The following KCNN2 variants were observed in gnomAD, a reference collection of about 807,000 sequenced individuals.
KCNN2 encodes the protein potassium calcium-activated channel subfamily N member 2.
In KCNN2, 24 loss-of-function variants were observed where a neutral mutation model predicts 55.5. The ratio of observed to expected loss-of-function variants is 0.43; its 90% CI spans 0.31 to 0.61. KCNN2 has a LOEUF of 0.61. KCNN2 is among the 20% of genes least tolerant of loss of function. The pLI is 0.08. For missense variants in KCNN2, 754 were observed against 853.6 expected (o/e 0.88, Z 1.45); for synonymous variants, 431 against 336.1 (o/e 1.28, Z -3.09).
At chr5:114,324,340 C>G (rs1172049824) in intron 2 of KCNN2, among the ~76,000 whole-genome samples, 1 of 152,116 alleles carries the variant, frequency 6.6e-6, no homozygotes, top group Admixed American at 6.5e-5. Context: ...TGGGGCTTAT[C>G]CTAAATTACA....
At chr5:114,218,669 G>A (rs1489252109) in intron 1 of KCNN2, among the ~76,000 whole-genome samples, 2 of 152,152 alleles carry the variant, frequency 1.3e-5, no homozygotes, top group Admixed American at 1.3e-4. Flanking sequence ...GTCATTATAC[G>A]TTTGTTCAAA....
intron 1 of KCNN2, among the ~76,000 whole-genome samples, chr5:114,196,051 T>G (rs1360865132): frequency 6.6e-6 from 1 of 152,040 alleles, no homozygotes; most frequent in Non-Finnish European, 1.5e-5. Context: ...AAAAGACTAT[T>G]CTTTCCCAAT....
At chr5:114,475,474 C>T (rs1025093285) in intron 5 of KCNN2, among the ~76,000 whole-genome samples, 3 of 152,102 alleles carry the variant, frequency 2.0e-5, no homozygotes, top group African/African-American at 7.2e-5. Context: ...TTAGAAAGGA[C>T]AGTCTCTCTT....
At chr5:114,310,540 G>C (rs1376206978) in intron 2 of KCNN2, among the ~76,000 whole-genome samples, 2 of 152,088 alleles carry the variant, frequency 1.3e-5, no homozygotes, top group Non-Finnish European at 1.5e-5. Flanking sequence ...ACAGTTCTGG[G>C]GGACTGTGCA....
intron 2 of KCNN2, among the ~76,000 whole-genome samples, chr5:114,248,206 G>A (rs1189606391): frequency 1.3e-5 from 2 of 152,258 alleles, no homozygotes; most frequent in East Asian, 3.9e-4. Context: ...AGGGGGTTAG[G>A]ATGATTCAAA....
chr5:114,384,600 G>A (rs771827825), intron 2 of KCNN2, among the ~76,000 whole-genome samples: 1 of 152,122 alleles, frequency 6.6e-6, no homozygotes, highest in Non-Finnish European at 1.5e-5. Context: ...ACAGATATTC[G>A]ACCAAATTAA....
chr5:114,341,568 A>T (rs1757015500), intron 2 of KCNN2, among the ~76,000 whole-genome samples: 1 of 152,178 alleles, frequency 6.6e-6, no homozygotes, highest in South Asian at 2.1e-4. Context: ...GTCTGCTATG[A>T]TTGAGAAAGA....
At chr5:114,208,753 T>G (rs980828205) in intron 1 of KCNN2, among the ~76,000 whole-genome samples, 1 of 152,198 alleles carries the variant, frequency 6.6e-6, no homozygotes, top group African/African-American at 2.4e-5. Context: ...CTTAATACGC[T>G]GCAGGGCACC....
intron 5 of KCNN2, among the ~76,000 whole-genome samples, chr5:114,485,330 G>A (rs1344986088): frequency 2.0e-5 from 3 of 152,078 alleles, no homozygotes; most frequent in South Asian, 2.1e-4. Context: ...ATCTACAGTT[G>A]CTTAGAGATC....
At chr5:114,131,492 G>T (rs1373137965) in intron 1 of KCNN2, among the ~76,000 whole-genome samples, 1 of 152,170 alleles carries the variant, frequency 6.6e-6, no homozygotes. Flanking sequence ...GTATTCCATG[G>T]TGTATGTGTA....
intron 2 of KCNN2, among the ~76,000 whole-genome samples, chr5:114,312,426 CACACACACATATATATATATATATAT>C (rs1286860378): frequency 1.5e-4 from 4 of 27,526 alleles, no homozygotes; most frequent in African/African-American, 2.7e-4. Context: ...CACACACACA[CACACACACATATATATATATATATAT>C]ATATATATAT....
intron 2 of KCNN2, among the ~76,000 whole-genome samples, chr5:114,342,326 A>T (rs1173709566): frequency 6.6e-6 from 1 of 152,182 alleles, no homozygotes; most frequent in East Asian, 1.9e-4. Flanking sequence ...TGAAAAGCAA[A>T]TTAAACTGAC....
intron 1 of KCNN2, among the ~76,000 whole-genome samples, chr5:114,093,202 C>G (rs1413168183): frequency 6.6e-6 from 1 of 152,168 alleles, no homozygotes; most frequent in Non-Finnish European, 1.5e-5. Flanking sequence ...AGGGCAGAGG[C>G]AAACTGCCAC....
rs192910478 is a variant in KCNN2 at position 114,195,327 on chromosome 5, A to G, written c.-270-26153A>G. 1.8e-3 allele frequency among the ~76,000 whole-genome samples: 278 copies of G among 152,060 alleles called. 1 individual carries two copies. The highest frequency in any genetic ancestry group is 6.3e-3 in the African/African-American group (261 of 41,540). On this transcript the variant is annotated intron_variant, in intron 1 of 10. Transcript: ENST00000512097. ...TTATTTTCTGAACCATGGATGTGAA[A>G]TGTCTTTCAATTTATTTGGATTTTC...
intron 3 of KCNN2, among the ~76,000 whole-genome samples, chr5:114,437,932 C>A (rs953900854): frequency 2.6e-5 from 4 of 151,964 alleles, no homozygotes; most frequent in African/African-American, 9.7e-5. Context: ...TTGGTTTTTG[C>A]CTATCCCAGA....
chr5:114,151,499 T>A (rs190358545), intron 1 of KCNN2, among the ~76,000 whole-genome samples: 1 of 151,716 alleles, frequency 6.6e-6, no homozygotes, highest in East Asian at 1.9e-4. Context: ...TTTCTTTCCA[T>A]GGCAATTTCA....
chr5:114,084,596 A>G (rs867078946), intron 1 of KCNN2, among the ~76,000 whole-genome samples: 1 of 151,866 alleles, frequency 6.6e-6, no homozygotes, highest in South Asian at 2.1e-4. Flanking sequence ...ATTTGTAAAT[A>G]TTTTTCCCAA....
chr5:114,448,551 C>G (rs74367564), intron 3 of KCNN2, among the ~76,000 whole-genome samples: 2,096 of 152,240 alleles, frequency 0.014, 48 homozygotes, highest in African/African-American at 0.047. Flanking sequence ...ACTGGTAAAC[C>G]TTGAAAATGA....
intron 3 of KCNN2, among the ~76,000 whole-genome samples, chr5:114,419,909 G>C (rs78438317): frequency 6.6e-6 from 1 of 152,306 alleles, no homozygotes; most frequent in Non-Finnish European, 1.5e-5. Flanking sequence ...GAGGCAGCAG[G>C]ATCACTTGAG....
Sources: allele counts gnomAD v4.1 joint callset (sites outside exome capture counted in the v4.1 genomes callset), GRCh38; gene constraint gnomAD v4.1.1; transcripts MANE v1.5; gene names NCBI Gene and HGNC (gene_info 2026-07-23, HGNC 2026-07-21).